The following TMEM59 variants were observed in gnomAD, a reference collection of about 807,000 sequenced individuals.
TMEM59 encodes the protein dendritic cell factor 1.
TMEM59 carries 44 observed loss-of-function variants against 42.2 expected under a neutral mutation model. That is an observed-to-expected ratio of 1.04 (90% CI 0.82 to 1.34). The LOEUF (loss-of-function observed/expected upper bound fraction) is 1.34. Among genes scored for constraint, TMEM59 ranks in the 40% most tolerant of loss-of-function variants. The pLI is 0.00. For synonymous variants in TMEM59, 148 were observed against 145.8 expected, an observed-to-expected ratio of 1.02 and a Z score of -0.11; for missense variants, 359 against 382.8, an observed-to-expected ratio of 0.94 and a Z score of 0.52.
At chr1:54,044,738 T>G (rs1016198486) in intron 3 of TMEM59, 1 of 152,120 alleles carries the variant, frequency 6.6e-6, no homozygotes, top group African/African-American at 2.4e-5. Context: ...AAAATAGGTA[T>G]CATTTACAAA....
Position 54,028,422 on chromosome 1 carries a change from T to C in TMEM59, c.*3728A>G, listed in dbSNP as rs1413977668. On this transcript the variant is annotated 3_prime_UTR_variant, in exon 8 of 8. Coordinates refer to ENST00000234831, the MANE Select transcript of TMEM59 (RefSeq NM_004872.5). Reference sequence around the variant, plus strand: ...CCGAGTGAATCATTCCAACACTGTATGGCACTCTCTTGCTTAAAATCTTTC... The same window carrying C: ...CCGAGTGAATCATTCCAACACTGTACGGCACTCTCTTGCTTAAAATCTTTC... 3.3e-5 allele frequency: 5 copies of C among 152,240 alleles called. No homozygotes were observed. The highest frequency in any genetic ancestry group is 5.9e-5 in the Non-Finnish European group (4 of 68,066). The allele number at this position is 152,240 out of a possible 1,614,324, so 9.4% of individuals were successfully genotyped here. A position where few individuals can be genotyped will look rare whatever the true frequency, so the allele number is the denominator to read the frequency against.
chr1:54,041,819 G>A lies in TMEM59; in HGVS notation c.544-14C>T. 1 of 1,604,134 alleles carries A rather than the reference G, an allele frequency of 6.2e-7. No individual in the cohort carries two copies. Among genetic ancestry groups the A allele is most frequent in the Non-Finnish European group, 8.5e-7 (1 of 1,173,176 alleles). On this transcript the variant is annotated splice_polypyrimidine_tract_variant and intron_variant, in intron 4 of 7. Coordinates refer to ENST00000234831, the MANE Select transcript of TMEM59 (RefSeq NM_004872.5). ...TTCTGGCTTAGACTAAAATAATAAT[G>A]AAAGCAATTAAGTCATTTGTACTTC...
Position 54,031,961 on chromosome 1 carries a change from C to T in TMEM59, c.*189G>A, listed in dbSNP as rs1656777603. On this transcript the variant is annotated 3_prime_UTR_variant, in exon 8 of 8. Coordinates refer to ENST00000234831, the MANE Select transcript of TMEM59 (RefSeq NM_004872.5). ...AAATAATAATACAATCCCAAACATC[C>T]ACCTCTTAAATTACTACAAAAACAA... The T allele has an allele frequency of 2.2e-6, 1 of 462,214 alleles. No individual in the cohort carries two copies. Among genetic ancestry groups the T allele is most frequent in the Non-Finnish European group, 3.6e-6 (1 of 275,588 alleles). The allele number at this position is 462,214 out of a possible 1,614,324, so 28.6% of individuals were successfully genotyped here.
Position 54,040,813 on chromosome 1 carries a change from G to C in TMEM59, c.650C>G (p.Ala217Gly). 6.2e-6 allele frequency: 10 copies of C among 1,613,700 alleles called. No individual in the cohort carries two copies. The highest frequency in any genetic ancestry group is 8.5e-6 in the Non-Finnish European group (10 of 1,179,796). ...TCCATCTTCAAGAAAATTCCTGTGC[G>C]CTTGTGAATTTCTCATTTGCAGATC... ...MSYLQMRNSQ[A>G]HRNFLEDGES... Residue 217 changes from alanine to glycine, a missense_variant, in exon 6 of 8, where the codon GCG becomes GGG. Ala to Gly is a moderately conservative substitution (Grantham distance 60, BLOSUM62 0). Coordinates refer to ENST00000234831, the MANE Select transcript of TMEM59 (RefSeq NM_004872.5).
At chr1:54,041,691 G>A (rs1657141848) in intron 5 of TMEM59, 33 bp downstream of exon 5, 2 of 1,564,194 alleles carry the variant, frequency 1.3e-6, no homozygotes, top group African/African-American at 1.4e-5. Flanking sequence ...GACTGCTAAT[G>A]TTTTTATCTA....
intron 7 of TMEM59, 44 bp downstream of exon 7, chr1:54,036,566 T>C (rs1557674306): frequency 7.1e-7 from 1 of 1,405,438 alleles, no homozygotes; most frequent in Non-Finnish European, 9.7e-7. Flanking sequence ...TTTAAAATGA[T>C]ATATCACAGG....
chr1:54,053,376 TCTC>T (rs1657652392), upstream of TMEM59: 8 of 649,430 alleles, frequency 1.2e-5, no homozygotes, highest in South Asian at 2.0e-5. Flanking sequence ...ACGAACTTCT[TCTC>T]CTAGGCTGGC....
chr1:54,032,287 C>A lies in TMEM59; in HGVS notation c.835G>T (p.Asp279Tyr), dbSNP rs1000122576. Reference sequence around the variant, plus strand: ...TTTTGTTCATTCATAAACTCCAAGTCACCATAGATACTCAGCTTCTGCAAA... The same window carrying A: ...TTTTGTTCATTCATAAACTCCAAGTAACCATAGATACTCAGCTTCTGCAAA... Reference protein sequence around the residue: ...VPSEKLSIYGDLEFMNEQKLN... With the variant: ...VPSEKLSIYGYLEFMNEQKLN... The change falls in exon 8 of 8, where the codon GAC becomes TAC. Residue 279 changes from aspartate (D) to tyrosine (Y), a missense_variant. Transcript: ENST00000234831. The A allele has an allele frequency of 6.2e-7, 1 of 1,607,164 alleles. No homozygotes were observed. The highest frequency in any genetic ancestry group is 8.5e-7 in the Non-Finnish European group (1 of 1,176,182).
At position 54,040,755 on chromosome 1, in the gene TMEM59, C is replaced by T. The variant is rs1657109980; in HGVS notation, c.707+1G>A. ...TACACATAATAAAGAGGAATACATA[C>T]AGAGAGAGGCATCTTAAAAAGCCAT... On this transcript the variant is annotated splice_donor_variant, in intron 6 of 7. Transcript: ENST00000234831. LOFTEE classifies it high-confidence loss of function. 4 of 1,610,644 alleles carry T rather than the reference C, an allele frequency of 2.5e-6. No homozygotes were observed. The Admixed American group carries it at 6.7e-5, about 27-fold the overall frequency.
intron 6 of TMEM59, among the ~76,000 whole-genome samples, chr1:54,037,295 G>A (rs187207206): frequency 1.3e-5 from 2 of 152,306 alleles, no homozygotes; most frequent in Admixed American, 1.3e-4. Context: ...GCATATCTCA[G>A]TAAAGAGATA....
intron 1 of TMEM59, among the ~76,000 whole-genome samples, chr1:54,052,003 C>A (rs932986081): frequency 3.9e-5 from 6 of 152,170 alleles, no homozygotes; most frequent in African/African-American, 1.4e-4. Context: ...GTAGCCACTC[C>A]AGTTTTAGAG....
intron 3 of TMEM59, chr1:54,044,511 T>G (rs1220865545): frequency 6.9e-6 from 1 of 145,294 alleles, no homozygotes; most frequent in Non-Finnish European, 1.5e-5. Context: ...TTCATCTGTT[T>G]TTTTTTTTTT....
chr1:54,042,082 A>ATTTTTTTTT, intron 4 of TMEM59, among the ~76,000 whole-genome samples: 1 of 148,172 alleles, frequency 6.7e-6, no homozygotes. Flanking sequence ...AAAGGGAGAG[A>ATTTTTTTTT]GGGACAAATC....
At chr1:54,045,824 G>A (rs1333155065) in intron 2 of TMEM59, 38 bp from the exon 3 acceptor site, 2 of 1,540,622 alleles carry the variant, frequency 1.3e-6, no homozygotes, top group Non-Finnish European at 1.8e-6. Flanking sequence ...AGAAACAAAA[G>A]AGAAAGGGAA....
At chr1:54,045,575 G>T in intron 3 of TMEM59, 117 bp downstream of exon 3, 2 of 1,028,542 alleles carry the variant, frequency 1.9e-6, no homozygotes, top group Non-Finnish European at 2.9e-6. Context: ...TTTGTTTGCT[G>T]AAAGCCAAAT....
intron 4 of TMEM59, among the ~76,000 whole-genome samples, chr1:54,042,235 C>G (rs1293252390): frequency 6.6e-6 from 1 of 152,084 alleles, no homozygotes; most frequent in South Asian, 2.1e-4. Context: ...ATATTCTTCC[C>G]TAAGTATGAG....
rs1160338151 is a variant in TMEM59 at position 54,027,319 on chromosome 1, GA to G, written c.*4830del. On this transcript the variant is annotated 3_prime_UTR_variant, in exon 8 of 8. Coordinates refer to ENST00000234831, the MANE Select transcript of TMEM59 (RefSeq NM_004872.5). Reference sequence around the variant, plus strand: ...GAAAATATCAACTTTATTTTAACATGATCAGTTTCCTTTGCGATCCTTTATA... The same window carrying G: ...GAAAATATCAACTTTATTTTAACATGTCAGTTTCCTTTGCGATCCTTTATA... The G allele has an allele frequency of 2.0e-5, 3 of 152,166 alleles. No individual in the cohort carries two copies. The highest frequency in any genetic ancestry group is 4.4e-5 in the Non-Finnish European group (3 of 68,036). 9.4% of individuals were successfully genotyped at this position (152,166 alleles called of 1,614,324 possible).
Position 54,040,753 on chromosome 1 carries a change from T to C in TMEM59, c.707+3A>G. 6.2e-7 allele frequency: 1 copy of C among 1,609,802 alleles called. No individual in the cohort carries two copies. The highest frequency in any genetic ancestry group is 2.2e-5 in the East Asian group (1 of 44,772). On this transcript the variant is annotated splice_donor_region_variant and intron_variant, in intron 6 of 7. Transcript: ENST00000234831. ...TATACACATAATAAAGAGGAATACA[T>C]ACAGAGAGAGGCATCTTAAAAAGCC...
chr1:54,033,130 CTTT>C, intron 7 of TMEM59: 2 of 136,260 alleles, frequency 1.5e-5, no homozygotes, highest in Non-Finnish European at 3.2e-5. Flanking sequence ...TTTTTTCTTT[CTTT>C]TTTTTTTTTA....
Sources: allele counts gnomAD v4.1 joint callset (sites outside exome capture counted in the v4.1 genomes callset), GRCh38; gene constraint gnomAD v4.1.1; transcripts MANE v1.5; gene names NCBI Gene and HGNC (gene_info 2026-07-23, HGNC 2026-07-21).